SHANK1: variants seen among roughly 807,000 people sequenced by gnomAD.
SHANK1 encodes the protein SH3 and multiple ankyrin repeat domains protein 1.
In SHANK1, 35 loss-of-function variants were observed where a neutral mutation model predicts 165.6. The ratio of observed to expected loss-of-function variants is 0.21; its 90% confidence interval spans 0.16 to 0.28. The LOEUF (loss-of-function observed/expected upper bound fraction) is 0.28. Ranked by LOEUF, SHANK1 falls within the 10% of genes least tolerant of loss-of-function variation. The pLI, the probability that SHANK1 is intolerant of heterozygous loss-of-function variation, is 1.00. For missense variants in SHANK1, 2,681 were observed against 3,036.4 expected (o/e 0.88, Z 2.75); for synonymous variants, 1,428 against 1,384.8 (o/e 1.03, Z -0.69).
rs763484620 is a variant in SHANK1 at position 50,716,146 on chromosome 19, TAGA to T, written c.459+126_459+128del. ...GACTCTCTGACTTCCCTGTGATGCT[TAGA>T]AGGTCTGGACTCGCACACTGGGTGC... On this transcript the variant is annotated intron_variant, in intron 3 of 23. Coordinates refer to ENST00000293441, the MANE Select transcript of SHANK1 (RefSeq NM_016148.5). This position sits in a 1 kb window ranked among gnomAD's most constrained non-coding sequence, Gnocchi z 8.4. The T allele has an allele frequency of 4.8e-6, 4 of 830,158 alleles. No homozygotes were observed. Among genetic ancestry groups the T allele is most frequent in the Non-Finnish European group, 8.0e-6 (4 of 497,820 alleles). 51.4% of individuals were successfully genotyped at this position (830,158 alleles called of 1,614,324 possible). A position where few individuals can be genotyped will look rare whatever the true frequency, so the allele number is the denominator to read the frequency against.
Position 50,686,503 on chromosome 19 carries a change from G to A in SHANK1, c.2459-148C>T. The A allele has an allele frequency of 8.3e-6, 6 of 722,366 alleles. No individual in the cohort carries two copies. Among genetic ancestry groups the A allele is most frequent in the Non-Finnish European group, 1.4e-5 (6 of 431,366 alleles). 44.7% of individuals were successfully genotyped at this position (722,366 alleles called of 1,614,324 possible). On this transcript the variant is annotated intron_variant, in intron 20 of 23. Transcript: ENST00000293441. This position sits in a 1 kb window ranked among gnomAD's most constrained non-coding sequence, Gnocchi z 5.7. ...CAGCCCTGCCTGGGTCCGGGTGGACGGGCAGTCCCGCTTGGAGACACAATC... is the reference window on the plus strand; with the variant it reads ...CAGCCCTGCCTGGGTCCGGGTGGACAGGCAGTCCCGCTTGGAGACACAATC...
At chr19:50,694,855 G>A (rs1168526352) in intron 15 of SHANK1, among the ~76,000 whole-genome samples, 2 of 150,294 alleles carry the variant, frequency 1.3e-5, no homozygotes, top group African/African-American at 2.4e-5. Flanking sequence ...ACCGCGGGCC[G>A]GGGCCTGCCG....
Position 50,713,975 on chromosome 19 carries a change from A to G in SHANK1, c.641-26T>C. On this transcript the variant is annotated intron_variant, in intron 5 of 23. Transcript: ENST00000293441. The surrounding 1 kb of genome is among the most constrained non-coding windows in gnomAD (Gnocchi z 6.2). ...CTGAAGGGCGGGAAAAGCTGGTCACATGAAGCCCCTTCTCCTCCCCTCCAT... is the reference window on the plus strand; with the variant it reads ...CTGAAGGGCGGGAAAAGCTGGTCACGTGAAGCCCCTTCTCCTCCCCTCCAT... 1 of 1,612,656 alleles carries G rather than the reference A, an allele frequency of 6.2e-7. No homozygotes were observed.
intron 8 of SHANK1, among the ~76,000 whole-genome samples, chr19:50,709,511 G>A (rs558061951): frequency 6.6e-6 from 1 of 151,830 alleles, no homozygotes; most frequent in Non-Finnish European, 1.5e-5. Flanking sequence ...AAAATGACTT[G>A]TGCAACTGTC....
chr19:50,687,167 C>A (rs977681832), intron 19 of SHANK1: 1 of 538,088 alleles, frequency 1.9e-6, no homozygotes, highest in Non-Finnish European at 3.2e-6. Flanking sequence ...TCCGACCAGC[C>A]CCCTGTCAGG....
intron 21 of SHANK1, among the ~76,000 whole-genome samples, chr19:50,676,423 G>A (rs1985986476): frequency 6.6e-6 from 1 of 152,178 alleles, no homozygotes; most frequent in Admixed American, 6.5e-5. Context: ...TTCCAGGCAG[G>A]TGGAACAGCA....
intron 11 of SHANK1, among the ~76,000 whole-genome samples, chr19:50,703,208 T>C (rs1177809886): frequency 6.8e-6 from 1 of 147,978 alleles, no homozygotes; most frequent in African/African-American, 2.5e-5. Context: ...TCAGCTTCCC[T>C]CCACCTCACC....
intron 4 of SHANK1, among the ~76,000 whole-genome samples, chr19:50,714,721 T>TG (rs1222463002): frequency 1.3e-5 from 2 of 150,508 alleles, no homozygotes; most frequent in Admixed American, 1.3e-4. Flanking sequence ...TCAGGGTGGT[T>TG]GGGGGTGAAG....
chr19:50,662,240 C>T lies in SHANK1; in HGVS notation c.6211G>A (p.Gly2071Arg). The change falls in exon 24 of 24, where the codon GGG becomes AGG. Residue 2071 changes from glycine (G) to arginine (R), a missense_variant. Coordinates refer to ENST00000293441, the MANE Select transcript of SHANK1 (RefSeq NM_016148.5). This position sits in a 1 kb window ranked among gnomAD's most constrained non-coding sequence, Gnocchi z 7.7. ...ISGGLGGALS[G>R]ASRSLSPTRL... ...GTCGGTGAGAGGGAGCGCGAGGCCCCTGACAAGGCTCCCCCGAGCCCCCCG... is the reference window on the plus strand; with the variant it reads ...GTCGGTGAGAGGGAGCGCGAGGCCCTTGACAAGGCTCCCCCGAGCCCCCCG... 6.2e-7 allele frequency: 1 copy of T among 1,610,548 alleles called. No individual in the cohort carries two copies. Among genetic ancestry groups the T allele is most frequent in the African/African-American group, 1.3e-5 (1 of 75,016 alleles).
rs1300286747 is a variant in SHANK1, at chr19:50,694,848, G to T, written c.1964+2248C>A. On this transcript the variant is annotated intron_variant, in intron 15 of 23. Coordinates refer to ENST00000293441, the MANE Select transcript of SHANK1 (RefSeq NM_016148.5). ...TTAGCGGCGGGGGAGGGTCGCCACC[G>T]CGGGCCGGGGCCTGCCGGCCGGCCC... is the stretch of plus-strand genomic sequence containing the variant. Among the ~76,000 whole-genome samples the T allele has an allele frequency of 3.3e-5, 5 of 149,892 alleles. No homozygotes were observed. The East Asian group carries it at 1.0e-3, about 30-fold the overall frequency.
Position 50,717,899 on chromosome 19 carries a change from T to A in SHANK1, c.-43-937A>T, listed in dbSNP as rs575863531. The stretch of plus-strand genomic sequence containing the variant: ...AGGGTCTGGGGAACTGAGTGGGGGA[T>A]CATCTCTAGATCCTTGCTGTTCTCC... On this transcript the variant is annotated intron_variant, in intron 1 of 23. Transcript: ENST00000293441. This position sits in a 1 kb window ranked among gnomAD's most constrained non-coding sequence, Gnocchi z 5.5. 5.3e-5 allele frequency among the ~76,000 whole-genome samples: 8 copies of A among 151,986 alleles called. No individual in the cohort carries two copies. In the East Asian group the frequency reaches 1.4e-3, roughly 26 times the overall value.
rs867291725 is a variant in SHANK1, at chr19:50,688,515, C to T, written c.2172+329G>A. Among the ~76,000 whole-genome samples, 1 of 152,018 alleles carries T rather than the reference C, an allele frequency of 6.6e-6. No individual in the cohort carries two copies. Among genetic ancestry groups the T allele is most frequent in the Non-Finnish European group, 1.5e-5 (1 of 68,002 alleles). On this transcript the variant is annotated intron_variant, in intron 17 of 23. Coordinates refer to ENST00000293441, the MANE Select transcript of SHANK1 (RefSeq NM_016148.5). This position sits in a 1 kb window ranked among gnomAD's most constrained non-coding sequence, Gnocchi z 6.7. ...AAGAGACAGGATCTTGCTATGTTGC[C>T]CAGGCTGGTCTCAAACTCTTGAGTT...
chr19:50,708,915 T>C (rs2088975773), intron 8 of SHANK1, among the ~76,000 whole-genome samples: 1 of 152,116 alleles, frequency 6.6e-6, no homozygotes, highest in Non-Finnish European at 1.5e-5. Flanking sequence ...GGATCTGACA[T>C]TCACCACCAA....
chr19:50,683,238 G>A (rs1306413626), intron 21 of SHANK1, among the ~76,000 whole-genome samples: 1 of 152,176 alleles, frequency 6.6e-6, no homozygotes, highest in Non-Finnish European at 1.5e-5. Flanking sequence ...CATCCGGATG[G>A]TAGAGGCCAG....
rs184259943 is a variant in SHANK1 at position 50,666,540 on chromosome 19, G to A, written c.5420C>T (p.Pro1807Leu). Residue 1807 changes from proline to leucine, a missense_variant, in exon 23 of 24, where the codon CCC becomes CTC. Coordinates refer to ENST00000293441, the MANE Select transcript of SHANK1 (RefSeq NM_016148.5). Reference sequence around the variant, plus strand: ...CGGACCCCCCGCCACGCCTGCCGTGGGGGGTCCTGAACAAGCACGCAGGGC... The same window carrying A: ...CGGACCCCCCGCCACGCCTGCCGTGAGGGGTCCTGAACAAGCACGCAGGGC... ...LLALRACSGP[P>L]TAGVAGGPVA... 3,825 of 1,595,974 alleles carry A rather than the reference G, an allele frequency of 2.4e-3. 11 individuals carry two copies. Among genetic ancestry groups the A allele is most frequent in the Middle Eastern group, 0.012 (71 of 5,908 alleles).
chr19:50,711,510 G>T, intron 7 of SHANK1, 23 bp from the exon 8 acceptor site: 1 of 1,531,076 alleles, frequency 6.5e-7, no homozygotes, highest in Non-Finnish European at 8.9e-7. Flanking sequence ...GGGAGCGAGG[G>T]GCATGGATCA....
In SHANK1 at chr19:50,662,593, G is replaced by A. The variant is rs1349169583; in HGVS notation, c.5858C>T (p.Pro1953Leu). The part of the protein sequence containing the change: ...NWPKPPLPPL[P>L]TGTGVSPTAA... ...TGTAGGGGAGACCCCTGTTCCGGTG[G>A]GGAGTGGCGGCAGAGGTGGTTTGGG... The change falls in exon 24 of 24, where the codon CCC becomes CTC. Residue 1953 changes from proline (P) to leucine (L), a missense_variant. Pro to Leu is a moderately conservative substitution (Grantham distance 98). Coordinates refer to ENST00000293441, the MANE Select transcript of SHANK1 (RefSeq NM_016148.5). This position sits in a 1 kb window ranked among gnomAD's most constrained non-coding sequence, Gnocchi z 7.7. 3 of 1,564,128 alleles carry A rather than the reference G, an allele frequency of 1.9e-6. No homozygotes were observed. Among genetic ancestry groups the A allele is most frequent in the South Asian group, 2.3e-5 (2 of 85,122 alleles).
Position 50,663,870 on chromosome 19 carries a change from G to A in SHANK1, c.5769-1188C>T, listed in dbSNP as rs188296266. Among the ~76,000 whole-genome samples, 115 of 151,346 alleles carry A rather than the reference G, an allele frequency of 7.6e-4. 1 individual carries two copies. Among genetic ancestry groups the A allele is most frequent in the Non-Finnish European group, 8.7e-4 (59 of 67,876 alleles). On this transcript the variant is annotated intron_variant, in intron 23 of 23. Transcript: ENST00000293441. ...ACATTTGTTTGTTTATTTTTACAGC[G>A]TAGGAGCATTGATTCAAGTTGCTCT...
chr19:50,665,051 C>G (rs1182788138), intron 23 of SHANK1, among the ~76,000 whole-genome samples: 1 of 152,180 alleles, frequency 6.6e-6, no homozygotes, highest in African/African-American at 2.4e-5. Context: ...ACCACCACGC[C>G]CAGCCTGTTA....
Sources: gnomAD v4.1 joint callset for allele counts (sites outside exome capture counted in the v4.1 genomes callset) on GRCh38, gnomAD v4.1.1 for gene constraint, Gnocchi (gnomAD v3.1) non-coding constraint, MANE v1.5 for transcripts, NCBI Gene and HGNC (gene_info 2026-07-23, HGNC 2026-07-21) for gene names.